The following PCDH15 variants were observed in gnomAD, a reference collection of about 807,000 sequenced individuals.
The protein encoded by PCDH15 is protocadherin-15.
Under a neutral mutation model 178.5 loss-of-function variants are expected in PCDH15, and 129 were observed. The ratio of observed to expected loss-of-function variants is 0.72; its 90% CI spans 0.63 to 0.84. The LOEUF (loss-of-function observed/expected upper bound fraction) is 0.84. PCDH15 is among the 40% of genes least tolerant of loss of function. The pLI, the probability that PCDH15 is intolerant of heterozygous loss-of-function variation, is 0.00. For synonymous variants in PCDH15, 800 were observed against 732.0 expected (o/e 1.09, Z -1.50); for missense variants, 2,230 against 2,099.9 (o/e 1.06, Z -1.21).
chr10:55,179,047 A>G (rs1246511068), intron 1 of PCDH15, among the ~76,000 whole-genome samples: 2 of 152,026 alleles, frequency 1.3e-5, no homozygotes, highest in Non-Finnish European at 2.9e-5. Context: ...TTTGTATAAT[A>G]CTCATATATG....
chr10:55,217,004 G>A (rs1014428410), intron 1 of PCDH15, among the ~76,000 whole-genome samples: 1 of 151,778 alleles, frequency 6.6e-6, no homozygotes, highest in African/African-American at 2.4e-5. Context: ...CATACAGTTT[G>A]GTATTTTGGC....
intron 14 of PCDH15, among the ~76,000 whole-genome samples, chr10:54,143,699 T>C (rs372637549): frequency 6.6e-6 from 1 of 152,178 alleles, no homozygotes; most frequent in Non-Finnish European, 1.5e-5. Context: ...TTTCAGAGTC[T>C]GGATAATTTT....
At chr10:55,514,850 C>T (rs546610626) in intron 2 of PCDH15, among the ~76,000 whole-genome samples, 3 of 151,948 alleles carry the variant, frequency 2.0e-5, no homozygotes, top group Non-Finnish European at 2.9e-5. Context: ...TTTCTATTAC[C>T]TGCTTAGAGA....
intron 2 of PCDH15, among the ~76,000 whole-genome samples, chr10:54,535,654 G>A (rs1358758032): frequency 3.6e-5 from 5 of 138,660 alleles, no homozygotes; most frequent in Non-Finnish European, 7.6e-5. Flanking sequence ...AGCTTGCAGT[G>A]AGCTGAGATG....
At chr10:55,161,973 T>A (rs546129423) in intron 2 of PCDH15, among the ~76,000 whole-genome samples, 1 of 152,254 alleles carries the variant, frequency 6.6e-6, no homozygotes, top group South Asian at 2.1e-4. Flanking sequence ...ATAAAAGAAA[T>A]ACTTAAGCTC....
intron 2 of PCDH15, among the ~76,000 whole-genome samples, chr10:55,376,903 ATAGTC>A (rs1837405752): frequency 6.6e-6 from 1 of 152,066 alleles, no homozygotes; most frequent in African/African-American, 2.4e-5. Flanking sequence ...TGTAAATAGA[ATAGTC>A]TAGGCAAGAA....
chr10:54,116,680 AT>A (rs1317204948), intron 15 of PCDH15, among the ~76,000 whole-genome samples: 1 of 152,208 alleles, frequency 6.6e-6, no homozygotes, highest in Non-Finnish European at 1.5e-5. Flanking sequence ...TGCCAATTAC[AT>A]TTCCAGTCCT....
chr10:55,033,818 C>T (rs1029410946), intron 2 of PCDH15, among the ~76,000 whole-genome samples: 8 of 151,956 alleles, frequency 5.3e-5, no homozygotes, highest in Non-Finnish European at 8.8e-5. Flanking sequence ...GTGTCCTCTC[C>T]GAAATTCAGG....
At chr10:54,503,264 T>TGTGTGTGA (rs35648214) in intron 3 of PCDH15, among the ~76,000 whole-genome samples, 6,097 of 137,274 alleles carry the variant, frequency 0.044, 317 homozygotes, top group African/African-American at 0.089. Flanking sequence ...TGTGTGTGTG[T>TGTGTGTGA]GATTATATAT....
chr10:55,574,624 C>T (rs1172590531), intron 2 of PCDH15, among the ~76,000 whole-genome samples: 1 of 151,984 alleles, frequency 6.6e-6, no homozygotes, highest in African/African-American at 2.4e-5. Flanking sequence ...AATCAAGTCA[C>T]ACCTTAGTTT....
chr10:54,354,097 T>C (rs990472596), intron 5 of PCDH15, among the ~76,000 whole-genome samples: 2 of 152,158 alleles, frequency 1.3e-5, no homozygotes, highest in African/African-American at 4.8e-5. Flanking sequence ...GCAATTCTCC[T>C]GCCTCAGCCT....
intron 1 of PCDH15, among the ~76,000 whole-genome samples, chr10:55,202,513 T>C (rs1277171852): frequency 6.6e-6 from 1 of 152,144 alleles, no homozygotes; most frequent in Non-Finnish European, 1.5e-5. Context: ...AGCGGAACAC[T>C]GCAAACCACA....
At chr10:54,290,599 G>C (rs1197968740) in intron 8 of PCDH15, among the ~76,000 whole-genome samples, 1 of 152,078 alleles carries the variant, frequency 6.6e-6, no homozygotes, top group African/African-American at 2.4e-5. Context: ...ATACAGACTG[G>C]CAAATCGGAT....
intron 15 of PCDH15, among the ~76,000 whole-genome samples, chr10:54,113,544 A>T (rs1168884176): frequency 4.6e-5 from 7 of 152,070 alleles, no homozygotes; most frequent in African/African-American, 1.7e-4. Flanking sequence ...ACTTTCTCAA[A>T]GGGAGAGTCC....
intron 1 of PCDH15, among the ~76,000 whole-genome samples, chr10:55,288,870 G>GATATATATATAT (rs143549237): frequency 5.5e-5 from 8 of 146,192 alleles, no homozygotes; most frequent in African/African-American, 2.0e-4. Flanking sequence ...AATTCTATTA[G>GATATATATATAT]ATATATATAT....
chr10:54,792,435 C>G (rs764311478), intron 1 of PCDH15, among the ~76,000 whole-genome samples: 3 of 151,874 alleles, frequency 2.0e-5, no homozygotes, highest in South Asian at 2.1e-4. Context: ...ATAAGATACC[C>G]GAATACTTGG....
intron 26 of PCDH15, among the ~76,000 whole-genome samples, chr10:53,888,304 A>ATATATATACATATATATATATATG (rs1554845195): frequency 2.2e-5 from 2 of 88,976 alleles, no homozygotes; most frequent in South Asian, 3.5e-4. Context: ...ATATATATAT[A>ATATATATACATATATATATATATG]TATATGTATA....
chr10:55,107,184 G>A (rs2132052014), intron 2 of PCDH15, among the ~76,000 whole-genome samples: 1 of 152,204 alleles, frequency 6.6e-6, no homozygotes, highest in East Asian at 1.9e-4. Context: ...ACTTTCTATT[G>A]GTATACACTT....
intron 2 of PCDH15, among the ~76,000 whole-genome samples, chr10:55,418,032 C>A (rs1177867918): frequency 6.6e-6 from 1 of 151,488 alleles, no homozygotes; most frequent in East Asian, 1.9e-4. Context: ...AAAGATAATT[C>A]TTTGGGATTG....
Sources: gnomAD v4.1 joint callset for allele counts (sites outside exome capture counted in the v4.1 genomes callset) on GRCh38, gnomAD v4.1.1 for gene constraint, MANE v1.5 for transcripts, NCBI Gene and HGNC (gene_info 2026-07-23, HGNC 2026-07-21) for gene names.